Variants in PRKG1 observed in about 807,000 individuals in gnomAD.
The protein encoded by PRKG1 is protein kinase cGMP-dependent 1, also known as cGMP-dependent protein kinase 1.
In PRKG1, 35 loss-of-function variants were observed where a neutral mutation model predicts 88.1. The observed-to-expected ratio is 0.40, with a 90% confidence interval of 0.30 to 0.53. PRKG1 has a LOEUF of 0.53. Among genes scored for constraint, PRKG1 ranks in the 20% least tolerant of loss-of-function variants. The probability of loss-of-function intolerance (pLI) is 0.59; values close to 1 mark genes in which losing one functional copy is unlikely to be tolerated. For missense variants in PRKG1, 540 were observed against 839.8 expected (o/e 0.64, Z 4.41); for synonymous variants, 303 against 292.5 (o/e 1.04, Z -0.37).
chr10:52,234,530 G>A (rs1476803214), intron 9 of PRKG1, among the ~76,000 whole-genome samples: 1 of 150,706 alleles, frequency 6.6e-6, no homozygotes, highest in African/African-American at 2.5e-5. Context: ...AGAAGCCTGA[G>A]GAGCCGATGC....
At chr10:51,845,257 C>A (rs977765475) in intron 4 of PRKG1, among the ~76,000 whole-genome samples, 4 of 152,116 alleles carry the variant, frequency 2.6e-5, no homozygotes, top group Non-Finnish European at 5.9e-5. Context: ...TTCTTGCTGT[C>A]TTTCCAGATT....
intron 1 of PRKG1, among the ~76,000 whole-genome samples, chr10:51,105,713 T>C (rs1317171262): frequency 2.1e-5 from 3 of 143,500 alleles, no homozygotes; most frequent in Non-Finnish European, 4.7e-5. Context: ...TTTATAAAAA[T>C]AATTTTAAAA....
chr10:51,158,891 AACTC>A (rs2131984602), intron 2 of PRKG1, among the ~76,000 whole-genome samples: 1 of 152,172 alleles, frequency 6.6e-6, no homozygotes, highest in South Asian at 2.1e-4. Flanking sequence ...TTTGTATACT[AACTC>A]TAAGTGTTAT....
At chr10:52,128,226 G>T in intron 7 of PRKG1, 1 of 985,454 alleles carries the variant, frequency 1.0e-6, no homozygotes, top group Non-Finnish European at 1.2e-6. Flanking sequence ...TTCCATGAAG[G>T]CTGGCACTGA....
At chr10:51,054,359 G>A (rs1028440059) in intron 1 of PRKG1, among the ~76,000 whole-genome samples, 2 of 152,112 alleles carry the variant, frequency 1.3e-5, no homozygotes, top group African/African-American at 2.4e-5. Context: ...GATTTAATTT[G>A]TTTAAACTTT....
At chr10:52,105,644 T>A (rs1847401251) in intron 7 of PRKG1, among the ~76,000 whole-genome samples, 1 of 152,040 alleles carries the variant, frequency 6.6e-6, no homozygotes, top group Non-Finnish European at 1.5e-5. Context: ...AACTTTTAAG[T>A]TCAGGGGTAC....
chr10:51,269,042 A>C (rs927918602), intron 2 of PRKG1, among the ~76,000 whole-genome samples: 6 of 152,180 alleles, frequency 3.9e-5, no homozygotes, highest in Non-Finnish European at 5.9e-5. Context: ...AAACAATCCT[A>C]TCAAAAAGTG....
intron 13 of PRKG1, 117 bp from the exon 14 acceptor site, chr10:52,282,036 C>A (rs1051768907): frequency 9.3e-7 from 1 of 1,080,390 alleles, no homozygotes; most frequent in South Asian, 2.2e-5. Flanking sequence ...GAAGACAGAA[C>A]TATAAAAACA....
chr10:51,387,409 A>G (rs1338951510), intron 2 of PRKG1, among the ~76,000 whole-genome samples: 1 of 151,456 alleles, frequency 6.6e-6, no homozygotes, highest in Non-Finnish European at 1.5e-5. Context: ...GGGGCCCTGC[A>G]TTTTCATTTT....
intron 2 of PRKG1, among the ~76,000 whole-genome samples, chr10:51,197,348 C>A (rs994847240): frequency 2.6e-5 from 4 of 152,122 alleles, no homozygotes; most frequent in Non-Finnish European, 1.5e-5. Context: ...TCTCGGCTCA[C>A]CGCAACCTCT....
chr10:52,180,497 A>T (rs1221467395), intron 9 of PRKG1, among the ~76,000 whole-genome samples: 1 of 152,204 alleles, frequency 6.6e-6, no homozygotes, highest in African/African-American at 2.4e-5. Context: ...TGGAACAGTT[A>T]TCTCTTCCAA....
chr10:51,602,607 G>T (rs1247725272), intron 3 of PRKG1, among the ~76,000 whole-genome samples: 1 of 151,502 alleles, frequency 6.6e-6, no homozygotes, highest in Non-Finnish European at 1.5e-5. Flanking sequence ...TAAAGACAGG[G>T]TCTACCTATG....
chr10:51,087,207 C>T (rs1009196462), intron 1 of PRKG1, among the ~76,000 whole-genome samples: 1 of 151,968 alleles, frequency 6.6e-6, no homozygotes, highest in African/African-American at 2.4e-5. Flanking sequence ...GACCTAGAAA[C>T]AATTTCCTCT....
At chr10:51,019,610 A>G (rs1421725472) in intron 1 of PRKG1, among the ~76,000 whole-genome samples, 1 of 152,200 alleles carries the variant, frequency 6.6e-6, no homozygotes, top group African/African-American at 2.4e-5. Flanking sequence ...AGGATGACAC[A>G]AAATAGGCAA....
At chr10:52,149,141 G>GA (rs2132663870) in intron 8 of PRKG1, among the ~76,000 whole-genome samples, 1 of 151,814 alleles carries the variant, frequency 6.6e-6, no homozygotes, top group Admixed American at 6.6e-5. Flanking sequence ...ACTTGTTTTA[G>GA]AAAAAACATG....
intron 7 of PRKG1, chr10:52,125,901 G>A (rs1847920987): frequency 6.6e-6 from 1 of 152,152 alleles, no homozygotes; most frequent in South Asian, 2.1e-4. Context: ...GGACAGTGAT[G>A]TGACAGTTGA....
chr10:51,153,071 G>A (rs1303981350), intron 1 of PRKG1, 93 bp from the exon 2 acceptor site: 1 of 918,026 alleles, frequency 1.1e-6, no homozygotes, highest in Non-Finnish European at 1.5e-6. Flanking sequence ...ATACATTTGT[G>A]GTGTGCCAGA....
At chr10:51,638,782 A>G (rs1384111230) in intron 3 of PRKG1, among the ~76,000 whole-genome samples, 2 of 152,236 alleles carry the variant, frequency 1.3e-5, no homozygotes, top group African/African-American at 2.4e-5. Context: ...ATAATGACAC[A>G]TTGAAACCAT....
intron 4 of PRKG1, among the ~76,000 whole-genome samples, chr10:51,850,575 T>C (rs537408325): frequency 6.6e-6 from 1 of 152,026 alleles, no homozygotes; most frequent in East Asian, 1.9e-4. Flanking sequence ...AATAATAAAC[T>C]GAGGGAAAAC....
Sources: allele counts gnomAD v4.1 joint callset (sites outside exome capture counted in the v4.1 genomes callset), GRCh38; gene constraint gnomAD v4.1.1; transcripts MANE v1.5; gene names NCBI Gene and HGNC (gene_info 2026-07-23, HGNC 2026-07-21).